The following DDX10 variants were observed in gnomAD, a reference collection of about 807,000 sequenced individuals.
The protein encoded by DDX10 is probable ATP-dependent RNA helicase DDX10.
Under a neutral mutation model 104.3 loss-of-function variants are expected in DDX10, and 74 were observed. That is an observed-to-expected ratio of 0.71 (90% CI 0.59 to 0.86). The LOEUF (loss-of-function observed/expected upper bound fraction) is 0.86, where lower values mean the gene tolerates loss of function less well. Among genes scored for constraint, DDX10 ranks in the 40% least tolerant of loss-of-function variants. The pLI is 0.00. For missense variants in DDX10, 952 were observed against 1,040.0 expected (o/e 0.92, Z 1.16); for synonymous variants, 351 against 353.4 (o/e 0.99, Z 0.08).
At chr11:108,823,884 T>C (rs1175685796) in intron 13 of DDX10, among the ~76,000 whole-genome samples, 1 of 152,234 alleles carries the variant, frequency 6.6e-6, no homozygotes, top group Non-Finnish European at 1.5e-5. Flanking sequence ...TCTCCCATTT[T>C]GTTCAAACAA....
intron 16 of DDX10, among the ~76,000 whole-genome samples, chr11:108,865,893 G>C (rs911650854): frequency 6.6e-6 from 1 of 151,954 alleles, no homozygotes; most frequent in Non-Finnish European, 1.5e-5. Context: ...AGAAGTTTTG[G>C]GAGTTGTCTA....
intron 16 of DDX10, among the ~76,000 whole-genome samples, chr11:108,883,335 A>G (rs1753270120): frequency 6.6e-6 from 1 of 152,156 alleles, no homozygotes. Context: ...TTGTTATATC[A>G]TATTCTTTCC....
intron 6 of DDX10, among the ~76,000 whole-genome samples, chr11:108,684,864 T>C (rs2094241277): frequency 6.8e-6 from 1 of 146,130 alleles, no homozygotes; most frequent in African/African-American, 2.5e-5. Flanking sequence ...CAGCACCTGT[T>C]GTTTCCTGAC....
chr11:108,726,991 T>G lies in DDX10; in HGVS notation c.1965+3529T>G, dbSNP rs549227252. Among the ~76,000 whole-genome samples, 9 of 152,238 alleles carry G rather than the reference T, an allele frequency of 5.9e-5. No homozygotes were observed. In the South Asian group the frequency reaches 1.9e-3, roughly 32 times the overall value. ...TGATTATGGTGTATTGATTTCCCCC[T>G]GCTACATGTTGAATCAAATTTAAAT... On this transcript the variant is annotated intron_variant, in intron 13 of 17. Transcript: ENST00000322536.
chr11:108,833,351 A>C (rs1417136032), intron 13 of DDX10, among the ~76,000 whole-genome samples: 2 of 152,258 alleles, frequency 1.3e-5, no homozygotes, highest in Non-Finnish European at 2.9e-5. Context: ...CCATAGATAG[A>C]GTTGGGCTCT....
intron 11 of DDX10, among the ~76,000 whole-genome samples, chr11:108,717,906 C>G (rs1313411913): frequency 6.6e-6 from 1 of 152,096 alleles, no homozygotes; most frequent in Non-Finnish European, 1.5e-5. Flanking sequence ...TGCCTATAAT[C>G]CCAGCACTTT....
intron 13 of DDX10, among the ~76,000 whole-genome samples, chr11:108,786,775 G>C (rs1315197793): frequency 2.6e-5 from 4 of 152,200 alleles, no homozygotes; most frequent in Non-Finnish European, 4.4e-5. Context: ...GCACCAGACA[G>C]TTGGGTCTTG....
In DDX10 at chr11:108,700,348, C is replaced by T. The variant is rs760769299; in HGVS notation, c.1224-6391C>T. Among the ~76,000 whole-genome samples the T allele has an allele frequency of 7.2e-5, 11 of 152,114 alleles. No individual in the cohort carries two copies. The South Asian group carries it at 1.5e-3, about 20-fold the overall frequency. On this transcript the variant is annotated intron_variant, in intron 9 of 17. Transcript: ENST00000322536. ...TCAGAGACTTTGAGGTAGATTATGT[C>T]GATGATTTCTCAGTTTAGTAAGTAC... is the stretch of plus-strand genomic sequence containing the variant.
intron 13 of DDX10, among the ~76,000 whole-genome samples, chr11:108,750,297 C>T (rs1429752514): frequency 6.6e-6 from 1 of 152,084 alleles, no homozygotes; most frequent in African/African-American, 2.4e-5. Flanking sequence ...TTATTTAGTA[C>T]TAAATAGGCA....
intron 16 of DDX10, among the ~76,000 whole-genome samples, chr11:108,907,741 C>T (rs1381827979): frequency 1.3e-5 from 2 of 152,172 alleles, no homozygotes; most frequent in East Asian, 3.8e-4. Context: ...TTTTCAAGTA[C>T]ACTTCAGCCA....
intron 6 of DDX10, among the ~76,000 whole-genome samples, chr11:108,687,625 G>A (rs985494527): frequency 6.6e-6 from 1 of 152,240 alleles, no homozygotes; most frequent in East Asian, 1.9e-4. Flanking sequence ...TTAAAATTGG[G>A]TGTTTCTGTT....
rs776974461 is a variant in DDX10, at chr11:108,673,465, A to C, written c.187-2A>C. 1 of 1,581,018 alleles carries C rather than the reference A, an allele frequency of 6.3e-7. No homozygotes were observed. Among genetic ancestry groups the C allele is most frequent in the East Asian group, 2.2e-5 (1 of 44,592 alleles). On this transcript the variant is annotated splice_acceptor_variant, in intron 1 of 17. Coordinates refer to ENST00000322536, the MANE Select transcript of DDX10 (RefSeq NM_004398.4). LOFTEE classifies it high-confidence loss of function. ...CCCTGATTCCTTTTTCTTTTTTTCC[A>C]GATAAATGTAAATGAAATCACAAGA...
chr11:108,926,582 A>C (rs1863912478), intron 17 of DDX10, among the ~76,000 whole-genome samples: 1 of 152,164 alleles, frequency 6.6e-6, no homozygotes, highest in African/African-American at 2.4e-5. Context: ...GTTTTTACAA[A>C]TTTGTTTTTA....
At chr11:108,836,129 T>C (rs1862552215) in intron 13 of DDX10, among the ~76,000 whole-genome samples, 1 of 152,238 alleles carries the variant, frequency 6.6e-6, no homozygotes. Flanking sequence ...TATAGCATAT[T>C]AAATGTCTCT....
chr11:108,839,782 AC>A (rs1374027004), intron 14 of DDX10, among the ~76,000 whole-genome samples: 4 of 152,210 alleles, frequency 2.6e-5, no homozygotes, highest in Admixed American at 6.5e-5. Context: ...TTATGAAGTT[AC>A]GAAAAAGAGG....
At chr11:108,815,147 T>C (rs981542275) in intron 13 of DDX10, among the ~76,000 whole-genome samples, 3 of 152,220 alleles carry the variant, frequency 2.0e-5, no homozygotes, top group African/African-American at 4.8e-5. Flanking sequence ...ATCAAGCATA[T>C]TCCTGTTATA....
At chr11:108,746,568 G>T (rs970331589) in intron 13 of DDX10, among the ~76,000 whole-genome samples, 24 of 123,336 alleles carry the variant, frequency 1.9e-4, no homozygotes, top group Non-Finnish European at 4.0e-4. Flanking sequence ...ACACCTAGAA[G>T]TGCAGTTGCT....
chr11:108,719,967 C>T lies in DDX10; in HGVS notation c.1499+82C>T, dbSNP rs146024792. On this transcript the variant is annotated intron_variant, in intron 12 of 17. Transcript: ENST00000322536. ...TAATTAATTTAGAGATGGGGTCTTG[C>T]TATGTTGCCCAGGCTGTCTCAAACC... The T allele has an allele frequency of 6.8e-6, 6 of 887,700 alleles. No individual in the cohort carries two copies. The African/African-American group carries it at 1.0e-4, about 15-fold the overall frequency. 55.0% of individuals were successfully genotyped at this position (887,700 alleles called of 1,614,324 possible).
At chr11:108,779,643 A>G (rs1418143088) in intron 13 of DDX10, among the ~76,000 whole-genome samples, 1 of 152,202 alleles carries the variant, frequency 6.6e-6, no homozygotes, top group Non-Finnish European at 1.5e-5. Flanking sequence ...CGTTGTGCAC[A>G]TGTACCCTAG....
Sources: gnomAD v4.1 joint callset for allele counts (sites outside exome capture counted in the v4.1 genomes callset) on GRCh38, gnomAD v4.1.1 for gene constraint, MANE v1.5 for transcripts, NCBI Gene and HGNC (gene_info 2026-07-23, HGNC 2026-07-21) for gene names.